Variants in CSMD3 observed in about 807,000 individuals in gnomAD.
The protein encoded by CSMD3 is CUB and Sushi multiple domains 3.
A neutral mutation model predicts 435.2 loss-of-function variants in CSMD3; 177 were observed. That is an observed-to-expected ratio of 0.41 (90% CI 0.36 to 0.46). The LOEUF is 0.46. Among genes scored for constraint, CSMD3 ranks in the 20% least tolerant of loss-of-function variants. The pLI, the probability that CSMD3 is intolerant of heterozygous loss-of-function variation, is 0.34. For synonymous variants in CSMD3, 1,656 were observed against 1,520.5 expected (o/e 1.09, Z -2.07); for missense variants, 4,265 against 4,504.6 (o/e 0.95, Z 1.52).
intron 2 of CSMD3, among the ~76,000 whole-genome samples, chr8:113,301,708 G>A (rs1054608963): frequency 1.3e-5 from 2 of 151,796 alleles, no homozygotes; most frequent in African/African-American, 4.8e-5. Context: ...CAAACTGGGT[G>A]ACTGTAAACT....
intron 13 of CSMD3, among the ~76,000 whole-genome samples, chr8:112,718,770 T>C (rs1257793348): frequency 1.3e-5 from 2 of 152,028 alleles, no homozygotes; most frequent in South Asian, 2.1e-4. Flanking sequence ...AACCTATTTA[T>C]ATGTACCTGT....
intron 35 of CSMD3, among the ~76,000 whole-genome samples, chr8:112,400,187 G>A (rs969498671): frequency 2.0e-4 from 31 of 152,128 alleles, no homozygotes; most frequent in African/African-American, 7.2e-4. Flanking sequence ...TAAAGGCTGG[G>A]AAATCAAAGT....
At chr8:113,027,336 CAA>C (rs973877920) in intron 5 of CSMD3, among the ~76,000 whole-genome samples, 1 of 151,576 alleles carries the variant, frequency 6.6e-6, no homozygotes, top group Non-Finnish European at 1.5e-5. Flanking sequence ...CAAAAATACT[CAA>C]AAAAATAAAA....
intron 29 of CSMD3, among the ~76,000 whole-genome samples, chr8:112,505,370 AT>A (rs1295515237): frequency 6.6e-6 from 1 of 152,136 alleles, no homozygotes; most frequent in Non-Finnish European, 1.5e-5. Context: ...TTCATTACTT[AT>A]TACCCTTGTT....
chr8:113,353,381 T>C (rs2094202323), intron 1 of CSMD3, among the ~76,000 whole-genome samples: 1 of 152,154 alleles, frequency 6.6e-6, no homozygotes. Flanking sequence ...AAAGGATTTT[T>C]GTACTAAATA....
intron 1 of CSMD3, among the ~76,000 whole-genome samples, chr8:113,349,973 C>A (rs187566997): frequency 2.0e-5 from 3 of 152,066 alleles, no homozygotes; most frequent in African/African-American, 7.2e-5. Context: ...TCTTGAGAAG[C>A]CTGGCAGTTT....
intron 27 of CSMD3, among the ~76,000 whole-genome samples, chr8:112,532,544 T>C (rs900723371): frequency 1.3e-5 from 2 of 152,072 alleles, no homozygotes; most frequent in African/African-American, 4.8e-5. Context: ...GAGAGTGTCA[T>C]GGAATATTCA....
rs150269264 is a variant in CSMD3, at chr8:113,047,192, A to G, written c.918-28013T>C. On this transcript the variant is annotated intron_variant, in intron 5 of 70. Coordinates refer to ENST00000297405, the MANE Select transcript of CSMD3 (RefSeq NM_198123.2). ...TCCTGTTGTTTCCCCATTAACACTT[A>G]CCACTTTCTAATAGTTACCGTAAAT... 6.1e-4 allele frequency among the ~76,000 whole-genome samples: 93 copies of G among 152,246 alleles called. 1 individual carries two copies. The East Asian group carries it at 0.01, about 17-fold the overall frequency.
At chr8:112,959,344 T>A (rs1186163811) in intron 7 of CSMD3, among the ~76,000 whole-genome samples, 1 of 152,000 alleles carries the variant, frequency 6.6e-6, no homozygotes, top group East Asian at 1.9e-4. Context: ...GTAAAATGAA[T>A]GGTATACTCT....
At chr8:112,948,050 A>G (rs2083677693) in intron 8 of CSMD3, among the ~76,000 whole-genome samples, 173 bp from the exon 9 acceptor site, 3 of 151,980 alleles carry the variant, frequency 2.0e-5, no homozygotes, top group Admixed American at 6.6e-5. Flanking sequence ...AAGCAAAAGC[A>G]TTTTATGAAC....
intron 27 of CSMD3, among the ~76,000 whole-genome samples, chr8:112,538,134 A>C (rs760701614): frequency 4.6e-5 from 7 of 152,124 alleles, no homozygotes; most frequent in Non-Finnish European, 1.0e-4. Flanking sequence ...AGCAGTCAAC[A>C]AAATTCAGCA....
chr8:112,521,853 C>T (rs1298253763), intron 27 of CSMD3, among the ~76,000 whole-genome samples: 1 of 151,594 alleles, frequency 6.6e-6, no homozygotes, highest in Admixed American at 6.6e-5. Context: ...TAAAATTTCA[C>T]CTATATAAAT....
intron 45 of CSMD3, among the ~76,000 whole-genome samples, chr8:112,332,518 C>T (rs915845590): frequency 6.6e-6 from 1 of 152,080 alleles, no homozygotes; most frequent in Non-Finnish European, 1.5e-5. Flanking sequence ...TAATGTAGGC[C>T]TCATGCATTC....
At chr8:113,378,648 C>T (rs1461546750) in intron 1 of CSMD3, among the ~76,000 whole-genome samples, 2 of 152,102 alleles carry the variant, frequency 1.3e-5, no homozygotes, top group Non-Finnish European at 1.5e-5. Flanking sequence ...AGAATGTCTA[C>T]GTGCAAGAAT....
chr8:112,973,203 G>A (rs143857924), intron 7 of CSMD3, among the ~76,000 whole-genome samples: 251 of 151,926 alleles, frequency 1.7e-3, no homozygotes, highest in African/African-American at 5.9e-3. Flanking sequence ...AGTGTTATAC[G>A]ACTGGATTTT....
At chr8:112,549,383 A>G (rs1827475650) in intron 27 of CSMD3, among the ~76,000 whole-genome samples, 1 of 152,012 alleles carries the variant, frequency 6.6e-6, no homozygotes, top group Non-Finnish European at 1.5e-5. Flanking sequence ...CTCAAAATAT[A>G]TATTTAAAGT....
intron 56 of CSMD3, among the ~76,000 whole-genome samples, chr8:112,291,127 A>T (rs1309308268): frequency 6.6e-6 from 1 of 151,966 alleles, no homozygotes; most frequent in Non-Finnish European, 1.5e-5. Flanking sequence ...GTAAATCTTC[A>T]TGTATTCTGA....
intron 64 of CSMD3, 139 bp downstream of exon 64, chr8:112,246,881 T>C (rs1047679419): frequency 7.6e-5 from 53 of 700,934 alleles, no homozygotes; most frequent in Non-Finnish European, 1.2e-4. Context: ...AGTAATAAAA[T>C]TATATGCATA....
At chr8:112,904,612 A>C (rs951912637) in intron 10 of CSMD3, among the ~76,000 whole-genome samples, 3 of 151,298 alleles carry the variant, frequency 2.0e-5, no homozygotes, top group African/African-American at 7.3e-5. Flanking sequence ...TTGGATTAGA[A>C]AAGATGTTAT....
Sources: allele counts gnomAD v4.1 joint callset (sites outside exome capture counted in the v4.1 genomes callset), GRCh38; gene constraint gnomAD v4.1.1; transcripts MANE v1.5; gene names NCBI Gene and HGNC (gene_info 2026-07-23, HGNC 2026-07-21).